Variants in CHD1L observed in about 807,000 individuals in gnomAD.
The protein encoded by CHD1L is chromodomain helicase DNA binding protein 1 like.
Under a neutral mutation model 115.9 loss-of-function variants are expected in CHD1L, and 118 were observed. The observed-to-expected ratio is 1.02, with a 90% CI of 0.88 to 1.19. The LOEUF is 1.19. Among genes scored for constraint, CHD1L ranks in the 50% most tolerant of loss-of-function variants. The probability of loss-of-function intolerance (pLI) is 0.00; values close to 1 mark genes in which losing one functional copy is unlikely to be tolerated. For synonymous variants in CHD1L, 411 were observed against 387.1 expected, an observed-to-expected ratio of 1.06 and a Z score of -0.72; for missense variants, 1,179 against 1,065.3, an observed-to-expected ratio of 1.11 and a Z score of -1.49.
the CHD1L span, among the ~76,000 whole-genome samples, chr1:147,192,390 A>G: frequency 6.6e-6 from 1 of 152,134 alleles, no homozygotes; most frequent in Non-Finnish European, 1.5e-5. Context: ...GAAGTTGCTC[A>G]TCAGCTTAAG....
At chr1:147,190,031 A>G in the CHD1L span, 5 of 557,546 alleles carry the variant, frequency 9.0e-6, no homozygotes, top group African/African-American at 7.8e-5. Flanking sequence ...TCTCCATTCT[A>G]TTGTCACAAA....
In CHD1L at chr1:147,249,404, A is replaced by ATTTTTTTTTTTTTTTTTTTTTTTTT; in HGVS notation, c.128-3199_128-3198insTTTTTTTTTTTTTTTTTTTTTTTTT. The stretch of plus-strand genomic sequence containing the variant: ...TTAATAATTACATATCTTGGTGTGT[A>ATTTTTTTTTTTTTTTTTTTTTTTTT]TTTTTTTTTTTTTTTTTTTTGAGAT... On this transcript the variant is annotated intron_variant, in intron 1 of 22. Coordinates refer to ENST00000369258, the MANE Select transcript of CHD1L (RefSeq NM_004284.6). Among the ~76,000 whole-genome samples, 5 of 94,174 alleles carry ATTTTTTTTTTTTTTTTTTTTTTTTT rather than the reference A, an allele frequency of 5.3e-5. 1 individual carries two copies. Among genetic ancestry groups the ATTTTTTTTTTTTTTTTTTTTTTTTT allele is most frequent in the Non-Finnish European group, 5.6e-5 (3 of 53,328 alleles). The allele number at this position is 94,174 out of a possible 152,430, so 61.8% of individuals were successfully genotyped here. A position where few individuals can be genotyped will look rare whatever the true frequency, so the allele number is the denominator to read the frequency against.
chr1:147,242,772 G>T lies in CHD1L; in HGVS notation c.69G>T (p.Glu23Asp). 7.9e-7 allele frequency: 1 copy of T among 1,270,152 alleles called. No homozygotes were observed. Among genetic ancestry groups the T allele is most frequent in the Non-Finnish European group, 1.0e-6 (1 of 1,000,778 alleles). 78.7% of individuals were successfully genotyped at this position (1,270,152 alleles called of 1,614,324 possible). A position where few individuals can be genotyped will look rare whatever the true frequency, so the allele number is the denominator to read the frequency against. ...GCTTCTTACTGCGGCTTCATACTGA[G>T]GGCCGAGCCGAGGCGGCGCGGGTGC... Reference protein sequence around the residue: ...APGFLLRLHTEGRAEAARVQE... With the variant: ...APGFLLRLHTDGRAEAARVQE... Residue 23 changes from glutamate (E) to aspartate (D), a missense_variant, in exon 1 of 23, where the codon GAG (glutamate) becomes GAT (aspartate). By Grantham distance (45) the Glu-to-Asp change is conservative. Coordinates refer to ENST00000369258, the MANE Select transcript of CHD1L (RefSeq NM_004284.6).
chr1:147,269,667 CAAAAAA>C (rs10649680), intron 10 of CHD1L, among the ~76,000 whole-genome samples: 1 of 93,270 alleles, frequency 1.1e-5, no homozygotes. Flanking sequence ...GGCTCCATCT[CAAAAAA>C]AAAAAAAAAA....
At chr1:147,292,128 T>C (rs1474576933) in intron 20 of CHD1L, among the ~76,000 whole-genome samples, 3 of 152,158 alleles carry the variant, frequency 2.0e-5, no homozygotes, top group Non-Finnish European at 4.4e-5. Flanking sequence ...TACGAGGATT[T>C]CTATTTGTCT....
intron 1 of CHD1L, among the ~76,000 whole-genome samples, chr1:147,251,063 G>T (rs190318390): frequency 3.3e-5 from 5 of 152,230 alleles, no homozygotes; most frequent in African/African-American, 9.6e-5. Context: ...TGATTGTGAG[G>T]CCTCTCCATC....
At chr1:147,289,631 G>A (rs1553968710) in intron 19 of CHD1L, among the ~76,000 whole-genome samples, 1 of 152,202 alleles carries the variant, frequency 6.6e-6, no homozygotes, top group Non-Finnish European at 1.5e-5. Context: ...AATTCCCAGG[G>A]AAGGCTTCAT....
the CHD1L span, among the ~76,000 whole-genome samples, chr1:147,189,967 A>G: frequency 6.6e-6 from 1 of 152,126 alleles, no homozygotes; most frequent in Non-Finnish European, 1.5e-5. Context: ...ATGATTTTAG[A>G]CACCTAAAAC....
intron 18 of CHD1L, among the ~76,000 whole-genome samples, chr1:147,287,306 T>C (rs1683547265): frequency 1.3e-5 from 2 of 152,322 alleles, no homozygotes; most frequent in South Asian, 4.1e-4. Context: ...GCATAACCTA[T>C]TGCTTCTACT....
intron 11 of CHD1L, among the ~76,000 whole-genome samples, chr1:147,271,924 A>G (rs1290935791): frequency 1.3e-5 from 2 of 152,254 alleles, no homozygotes; most frequent in Non-Finnish European, 2.9e-5. Flanking sequence ...TATTAACTTC[A>G]TAAGTGCCAA....
At chr1:147,243,223 G>A (rs1026368300) in intron 1 of CHD1L, among the ~76,000 whole-genome samples, 7 of 152,066 alleles carry the variant, frequency 4.6e-5, no homozygotes, top group Admixed American at 4.6e-4. Context: ...GGAGTTTATT[G>A]GTTGCTTCTG....
chr1:147,213,846 C>G, the CHD1L span, among the ~76,000 whole-genome samples: 1 of 152,072 alleles, frequency 6.6e-6, no homozygotes, highest in Admixed American at 6.6e-5. Context: ...TGTCCTGAGA[C>G]CTTCTGATGT....
At chr1:147,246,502 A>G (rs782511899) in intron 1 of CHD1L, among the ~76,000 whole-genome samples, 1 of 152,218 alleles carries the variant, frequency 6.6e-6, no homozygotes, top group Non-Finnish European at 1.5e-5. Flanking sequence ...GAGTAGCTGT[A>G]CTATTTTACA....
chr1:147,203,513 C>T, the CHD1L span: 2 of 873,784 alleles, frequency 2.3e-6, no homozygotes, highest in South Asian at 1.3e-5. Context: ...TCTTGAGGTA[C>T]TGCATAAAGT....
chr1:147,259,660 C>T, intron 5 of CHD1L, 177 bp from the exon 6 acceptor site: 1 of 537,904 alleles, frequency 1.9e-6, no homozygotes, highest in Non-Finnish European at 3.3e-6. Context: ...ACTACCTTAT[C>T]CAGATATTGT....
At chr1:147,245,968 C>T (rs1167465441) in intron 1 of CHD1L, among the ~76,000 whole-genome samples, 1 of 152,134 alleles carries the variant, frequency 6.6e-6, no homozygotes, top group African/African-American at 2.4e-5. Flanking sequence ...AGGATATTGA[C>T]ATTGGTACAG....
Position 147,293,664 on chromosome 1 carries a change from G to T in CHD1L, c.2448G>T (p.Lys816Asn). Reference protein sequence around the residue: ...RDRSNVLSGIKMAALEEGLKK... With the variant: ...RDRSNVLSGINMAALEEGLKK... Reference sequence around the variant, plus strand: ...GTTCCAATGTCCTGTCTGGCATTAAGATGGCAGCCCTAGAAGAGGGCCTGA... The same window carrying T: ...GTTCCAATGTCCTGTCTGGCATTAATATGGCAGCCCTAGAAGAGGGCCTGA... The change falls in exon 21 of 23, where the codon AAG becomes AAT. Residue 816 changes from lysine (K) to asparagine (N), a missense_variant. Physicochemically the swap from Lys to Asn is moderately conservative, Grantham distance 94. Transcript: ENST00000369258. 6.2e-7 allele frequency: 1 copy of T among 1,614,202 alleles called. No individual in the cohort carries two copies.
the CHD1L span, among the ~76,000 whole-genome samples, chr1:147,221,020 T>C: frequency 6.7e-6 from 1 of 150,018 alleles, no homozygotes; most frequent in Non-Finnish European, 1.5e-5. Context: ...TGGCACCTTA[T>C]AATATTCCTC....
At chr1:147,193,558 G>T in the CHD1L span, among the ~76,000 whole-genome samples, 1 of 152,054 alleles carries the variant, frequency 6.6e-6, no homozygotes, top group Non-Finnish European at 1.5e-5. Context: ...GCTTTTGAAT[G>T]TGTTTGCTCT....
Sources: gnomAD v4.1 joint callset for allele counts (sites outside exome capture counted in the v4.1 genomes callset) on GRCh38, gnomAD v4.1.1 for gene constraint, MANE v1.5 for transcripts, NCBI Gene and HGNC (gene_info 2026-07-23, HGNC 2026-07-21) for gene names.